RBM12B: variants seen among roughly 807,000 people sequenced by gnomAD.
The protein encoded by RBM12B is RNA-binding protein 12B.
In RBM12B, 10 loss-of-function variants were observed where a neutral mutation model predicts 34.3. That is an observed-to-expected ratio of 0.29 (90% confidence interval 0.18 to 0.49). The LOEUF (loss-of-function observed/expected upper bound fraction) is 0.49, where lower values mean the gene tolerates loss of function less well. Ranked by LOEUF, RBM12B falls within the 20% of genes least tolerant of loss-of-function variation. The probability of loss-of-function intolerance (pLI) is 0.99; values close to 1 mark genes in which losing one functional copy is unlikely to be tolerated. For missense variants in RBM12B, 1,139 were observed against 1,262.7 expected (o/e 0.90, Z 1.48); for synonymous variants, 477 against 437.1 (o/e 1.09, Z -1.14).
rs761620409 is a variant in RBM12B at position 93,734,333 on chromosome 8, C to A, written c.2078G>T (p.Arg693Leu). The part of the protein sequence containing the change: ...FRRPLQGEWR[R>L]PPEDDFRRPP... ...CCGCCTGAAGTCATCCTCGGGTGGT[C>A]GCCTCCATTCTCCCTGAAGAGGCCG... Residue 693 changes from arginine to leucine, a missense_variant, in exon 4 of 4, where the codon CGA (arginine) becomes CTA (leucine). Physicochemically the swap from Arg to Leu is moderately radical, Grantham distance 102. This residue lies in a region of RBM12B where 863 missense variants were observed against 869.5 expected (regional missense o/e 0.99). Coordinates refer to ENST00000520560, the MANE Select transcript of RBM12B (RefSeq NM_001377960.1). 4.7e-5 allele frequency: 76 copies of A among 1,612,788 alleles called. No individual in the cohort carries two copies. Among genetic ancestry groups the A allele is most frequent in the Non-Finnish European group, 6.2e-5 (73 of 1,179,670 alleles).
rs760661317 is a variant in RBM12B, at chr8:93,735,259, T to C, written c.1152A>G (p.Gly384=). ...RSGSLERDRP[G]HVSQKYSQEG... ...CTTGAGAGTATTTTTGTGAAACATG[T>C]CCGGGCCTATCTCTCTCTAGTGACC... is the stretch of plus-strand genomic sequence containing the variant. The change falls in exon 4 of 4, where the codon GGA becomes GGG. Residue 384 remains glycine (G), a synonymous_variant. Coordinates refer to ENST00000520560, the MANE Select transcript of RBM12B (RefSeq NM_001377960.1). The C allele has an allele frequency of 9.3e-6, 15 of 1,614,034 alleles. No homozygotes were observed. Among genetic ancestry groups the C allele is most frequent in the South Asian group, 8.8e-5 (8 of 91,086 alleles).
intron 1 of RBM12B, 31 bp from the exon 2 acceptor site, chr8:93,740,727 C>G: frequency 2.8e-6 from 1 of 356,584 alleles, no homozygotes; most frequent in Non-Finnish European, 5.5e-6. Flanking sequence ...GGTGTTTTAG[C>G]AAGAAAAGAG....
intron 2 of RBM12B, chr8:93,740,363 G>A (rs1371087250): frequency 2.2e-6 from 1 of 457,260 alleles, no homozygotes; most frequent in Admixed American, 2.3e-5. Context: ...TCCTTCTTTC[G>A]CGCCAGGCCA....
At position 93,734,477 on chromosome 8, in the gene RBM12B, TGCCTGAAGTCCTCCGTGGGAGACC is replaced by T; in HGVS notation, c.1910_1933del (p.Arg637_Arg644del). The T allele has an allele frequency of 1.2e-6, 2 of 1,604,848 alleles. No homozygotes were observed. Among genetic ancestry groups the T allele is most frequent in the Non-Finnish European group, 1.7e-6 (2 of 1,175,092 alleles). On this transcript the variant is annotated inframe_deletion, in exon 4 of 4. Transcript: ENST00000520560. ...TTGCCTGAAGTCCTCCTCGGGGAGC[TGCCTGAAGTCCTCCGTGGGAGACC>T]GCCTGAAATCCTCCTCCAGTGGCCG...
chr8:93,735,357 G>A lies in RBM12B; in HGVS notation c.1054C>T (p.Pro352Ser). 3 of 1,613,882 alleles carry A rather than the reference G, an allele frequency of 1.9e-6. No individual in the cohort carries two copies. The highest frequency in any genetic ancestry group is 2.5e-6 in the Non-Finnish European group (3 of 1,179,994). ...CTAGAAATTGGATCAATATGAACTG[G>A]ACGATATTGTAAAACAGTCTTATGT... Reference protein sequence around the residue: ...SLHKTVLQYRPVHIDPISRKQ... With the variant: ...SLHKTVLQYRSVHIDPISRKQ... The change falls in exon 4 of 4, where the codon CCA becomes TCA. Residue 352 changes from proline (P) to serine (S), a missense_variant. By Grantham distance (74) the Pro-to-Ser change is moderately conservative. This residue lies in a region of RBM12B where 863 missense variants were observed against 869.5 expected (regional missense o/e 0.99). Transcript: ENST00000520560.
In RBM12B at chr8:93,734,550, T is replaced by G. The variant is rs1811941632; in HGVS notation, c.1861A>C (p.Arg621=). ...CGCCTCCAGTCCTCCTCAAGGGGCC[T>G]CCTCCAGTCCTCCTCCCTAGGGTGC... ...FRHPREEDWR[R]PLEEDWRRPL... The change falls in exon 4 of 4, where the codon AGG becomes CGG. Residue 621 remains arginine (R), a synonymous_variant. Coordinates refer to ENST00000520560, the MANE Select transcript of RBM12B (RefSeq NM_001377960.1). The G allele has an allele frequency of 6.2e-7, 1 of 1,610,606 alleles. No individual in the cohort carries two copies. Among genetic ancestry groups the G allele is most frequent in the Non-Finnish European group, 8.5e-7 (1 of 1,178,964 alleles).
At position 93,733,487 on chromosome 8, in the gene RBM12B, T is replaced by G. The variant is rs1811861276; in HGVS notation, c.2924A>C (p.Asn975Thr). Residue 975 changes from asparagine to threonine, a missense_variant, in exon 4 of 4, where the codon AAC becomes ACC. Physicochemically the swap from Asn to Thr is moderately conservative, Grantham distance 65. This residue lies in a region of RBM12B where 60 missense variants were observed against 101.0 expected (regional missense o/e 0.59). Coordinates refer to ENST00000520560, the MANE Select transcript of RBM12B (RefSeq NM_001377960.1). ...PTGEAIVAMI[N>T]YNEAMAAIKD... The stretch of plus-strand genomic sequence containing the variant: ...AATAGCAGCCATAGCTTCATTATAG[T>G]TTATCATAGCAACAATGGCTTCCCC... 1 of 1,605,050 alleles carries G rather than the reference T, an allele frequency of 6.2e-7. No individual in the cohort carries two copies. Among genetic ancestry groups the G allele is most frequent in the Non-Finnish European group, 8.5e-7 (1 of 1,175,224 alleles).
rs1375551857 is a variant in RBM12B, at chr8:93,734,029, A to T, written c.2382T>A (p.His794Gln). ...AATCTTCCTCTCGGGAGCGCCTGAA[A>T]TGCTCCTGAGGCGGCCGCCTGAAAT... ...QEHFRRPPQE[H>Q]FRRSREEDFR... is the part of the protein sequence containing the mutation. Residue 794 changes from histidine to glutamine, a missense_variant, in exon 4 of 4, where the codon CAT becomes CAA. His to Gln is a conservative substitution (Grantham distance 24, BLOSUM62 0). Coordinates refer to ENST00000520560, the MANE Select transcript of RBM12B (RefSeq NM_001377960.1). 6.2e-7 allele frequency: 1 copy of T among 1,602,740 alleles called. No individual in the cohort carries two copies.
intron 2 of RBM12B, chr8:93,738,998 CACAGTA>C (rs1812110062): frequency 6.6e-6 from 1 of 152,044 alleles, no homozygotes; most frequent in African/African-American, 2.4e-5. Context: ...AAAGTATTTG[CACAGTA>C]ACAAAAAAAG....
In RBM12B at chr8:93,733,673, G is replaced by A; in HGVS notation, c.2738C>T (p.Pro913Leu). The change falls in exon 4 of 4, where the codon CCT (proline) becomes CTT (leucine). Residue 913 changes from proline (P) to leucine (L), a missense_variant. Around this residue, in one of 3 missense-constraint regions of RBM12B, gnomAD observed 863 missense variants for 869.5 expected, o/e 0.99. Transcript: ENST00000520560. ...MGSFPEGRFM[P>L]DPKINCGSGR... is the part of the protein sequence containing the mutation. ...TGAACCACAATTTATTTTTGGATCA[G>A]GCATAAATCTCCCCTCAGGAAAACT... 1 of 1,613,906 alleles carries A rather than the reference G, an allele frequency of 6.2e-7. No homozygotes were observed. Among genetic ancestry groups the A allele is most frequent in the Non-Finnish European group, 8.5e-7 (1 of 1,180,018 alleles).
At position 93,728,229 on chromosome 8, in the gene RBM12B, G is replaced by A; in HGVS notation, c.*5176C>T. On this transcript the variant is annotated 3_prime_UTR_variant, in exon 4 of 4. Coordinates refer to ENST00000520560, the MANE Select transcript of RBM12B (RefSeq NM_001377960.1). ...GGTATCCACTTGTCGACTAAGAAAG[G>A]ATCAACAAGCAGAAGATGATGAGGA... The A allele has an allele frequency of 6.3e-7, 1 of 1,594,822 alleles. No individual in the cohort carries two copies. The highest frequency in any genetic ancestry group is 1.4e-5 in the African/African-American group (1 of 73,744).
intron 2 of RBM12B, among the ~76,000 whole-genome samples, chr8:93,738,036 G>C (rs3133975): frequency 4.6e-5 from 7 of 152,092 alleles, no homozygotes; most frequent in African/African-American, 1.7e-4. Flanking sequence ...ATGGGCTATT[G>C]TTTGGATACA....
Position 93,734,855 on chromosome 8 carries a change from T to A in RBM12B, c.1556A>T (p.Tyr519Phe), listed in dbSNP as rs1811961176. ...HLFDSKDPPI[Y>F]SVGAFENFRH... is the part of the protein sequence containing the mutation. ...AAAGTTTTCAAAAGCACCAACTGAG[T>A]ATATTGGTGGGTCTTTTGAGTCAAA... The change falls in exon 4 of 4, where the codon TAC (tyrosine) becomes TTC (phenylalanine). Residue 519 changes from tyrosine (Y) to phenylalanine (F), a missense_variant. Transcript: ENST00000520560. The A allele has an allele frequency of 1.2e-6, 2 of 1,613,946 alleles. No homozygotes were observed. Among genetic ancestry groups the A allele is most frequent in the African/African-American group, 2.7e-5 (2 of 74,886 alleles).
In RBM12B at chr8:93,734,023, C is replaced by T. The variant is rs183071105; in HGVS notation, c.2388G>A (p.Arg796=). Residue 796 remains arginine (R), a synonymous_variant, in exon 4 of 4, where the codon AGG becomes AGA. Transcript: ENST00000520560. Reference sequence around the variant, plus strand: ...GCCTGAAATCTTCCTCTCGGGAGCGCCTGAAATGCTCCTGAGGCGGCCGCC... The same window carrying T: ...GCCTGAAATCTTCCTCTCGGGAGCGTCTGAAATGCTCCTGAGGCGGCCGCC... ...HFRRPPQEHF[R]RSREEDFRHP... 8.4e-4 allele frequency: 1,354 copies of T among 1,605,240 alleles called. 5 individuals carry two copies. In the African/African-American group the frequency reaches 0.016, roughly 19 times the overall value.
In RBM12B at chr8:93,733,678, A is replaced by T; in HGVS notation, c.2733T>A (p.Phe911Leu). 3 of 1,614,046 alleles carry T rather than the reference A, an allele frequency of 1.9e-6. No homozygotes were observed. The highest frequency in any genetic ancestry group is 2.5e-6 in the Non-Finnish European group (3 of 1,180,030). ...HNMGSFPEGR[F>L]MPDPKINCGS... ...CACAATTTATTTTTGGATCAGGCATAAATCTCCCCTCAGGAAAACTTCCCA... is the reference window on the plus strand; with the variant it reads ...CACAATTTATTTTTGGATCAGGCATTAATCTCCCCTCAGGAAAACTTCCCA... The change falls in exon 4 of 4, where the codon TTT becomes TTA. Residue 911 changes from phenylalanine (F) to leucine (L), a missense_variant. Physicochemically the swap from Phe to Leu is conservative, Grantham distance 22. This residue lies in a region of RBM12B where 863 missense variants were observed against 869.5 expected (regional missense o/e 0.99). Coordinates refer to ENST00000520560, the MANE Select transcript of RBM12B (RefSeq NM_001377960.1).
In RBM12B at chr8:93,734,605, A is replaced by G. The variant is rs530687460; in HGVS notation, c.1806T>C (p.Asp602=). Residue 602 remains aspartate, a synonymous_variant, in exon 4 of 4, where the codon GAT becomes GAC. Transcript: ENST00000520560. ...AGTCATCCTCCGGAGGGCGCCTGAA[A>G]TCTTCCTCCCAAGGGCGCCTGAAGT... ...EEDFRRPWEE[D]FRRPPEDDFR... 1 of 1,605,364 alleles carries G rather than the reference A, an allele frequency of 6.2e-7. No homozygotes were observed. Among genetic ancestry groups the G allele is most frequent in the Non-Finnish European group, 8.5e-7 (1 of 1,177,322 alleles).
At position 93,736,198 on chromosome 8, in the gene RBM12B, G is replaced by C. The variant is rs571889614; in HGVS notation, c.213C>G (p.Leu71=). The change falls in exon 4 of 4, where the codon CTC becomes CTG. Residue 71 remains leucine (L), a synonymous_variant. Transcript: ENST00000520560. ...GGFIKDSSVE[L]FLSSKAEMQK... is the part of the protein sequence containing the mutation. ...GCATTTCTGCCTTGCTACTAAGAAAGAGCTCTACAGATGAATCCTTGATAA... is the reference window on the plus strand; with the variant it reads ...GCATTTCTGCCTTGCTACTAAGAAACAGCTCTACAGATGAATCCTTGATAA... 6 of 1,614,134 alleles carry C rather than the reference G, an allele frequency of 3.7e-6. No individual in the cohort carries two copies. In the East Asian group the frequency reaches 1.3e-4, roughly 36 times the overall value.
intron 2 of RBM12B, among the ~76,000 whole-genome samples, 177 bp from the exon 3 acceptor site, chr8:93,737,532 G>A (rs1402225544): frequency 6.6e-6 from 1 of 151,864 alleles, no homozygotes; most frequent in Admixed American, 6.5e-5. Flanking sequence ...TCATCCTTCT[G>A]CAAAAAGGAG....
At chr8:93,740,287 G>A (rs772070769) in intron 2 of RBM12B, 7 of 456,830 alleles carry the variant, frequency 1.5e-5, no homozygotes, top group South Asian at 1.1e-4. Context: ...CCTCAAACGG[G>A]AATCATCCGA....
Sources: allele counts gnomAD v4.1 joint callset (sites outside exome capture counted in the v4.1 genomes callset), GRCh38; gene constraint gnomAD v4.1.1; regional missense constraint gnomAD v4.1.1; transcripts MANE v1.5; gene names NCBI Gene and HGNC (gene_info 2026-07-23, HGNC 2026-07-21).